Variants in SGCD observed in about 807,000 individuals in gnomAD.
SGCD encodes the protein delta-sarcoglycan.
SGCD carries 18 observed loss-of-function variants against 36.6 expected under a neutral mutation model. The ratio of observed to expected loss-of-function variants is 0.49; its 90% confidence interval spans 0.34 to 0.73. SGCD has a LOEUF of 0.73. Ranked by LOEUF, SGCD falls within the 30% of genes least tolerant of loss-of-function variation. SGCD has a pLI of 0.01. For synonymous variants in SGCD, 133 were observed against 130.6 expected, an observed-to-expected ratio of 1.02 and a Z score of -0.12; for missense variants, 387 against 346.7, an observed-to-expected ratio of 1.12 and a Z score of -0.92.
chr5:156,138,024 C>T (rs752065683), intron 3 of SGCD, among the ~76,000 whole-genome samples: 10 of 152,308 alleles, frequency 6.6e-5, no homozygotes, highest in South Asian at 2.1e-4. Context: ...CAAGGTACAG[C>T]ATATTTCTCT....
At chr5:155,953,910 T>C (rs550816946) in intron 1 of SGCD, among the ~76,000 whole-genome samples, 2 of 152,308 alleles carry the variant, frequency 1.3e-5, no homozygotes, top group South Asian at 4.1e-4. Context: ...TTTTACCTAA[T>C]ACCTACTGAG....
chr5:156,421,547 C>G (rs1773310131), intron 3 of SGCD, among the ~76,000 whole-genome samples: 1 of 152,054 alleles, frequency 6.6e-6, no homozygotes, highest in Non-Finnish European at 1.5e-5. Flanking sequence ...TAATATCATC[C>G]TCATACTTGG....
At chr5:155,961,466 A>G (rs1283196438) in intron 1 of SGCD, among the ~76,000 whole-genome samples, 8 of 152,164 alleles carry the variant, frequency 5.3e-5, no homozygotes, top group Non-Finnish European at 4.4e-5. Context: ...CATTGTAAAT[A>G]TCCAGGTAAC....
chr5:155,837,433 C>G, the SGCD span, among the ~76,000 whole-genome samples: 1 of 152,202 alleles, frequency 6.6e-6, no homozygotes, highest in Non-Finnish European at 1.5e-5. Flanking sequence ...GCTGGGATTA[C>G]TGGCATGAGT....
chr5:155,942,832 A>T (rs948030782), intron 1 of SGCD, among the ~76,000 whole-genome samples: 2 of 152,178 alleles, frequency 1.3e-5, no homozygotes, highest in African/African-American at 4.8e-5. Context: ...CCCCAAGATA[A>T]TCCAAATGTT....
the SGCD span, among the ~76,000 whole-genome samples, chr5:155,842,617 A>G: frequency 3.3e-5 from 5 of 152,110 alleles, no homozygotes; most frequent in South Asian, 2.1e-4. Flanking sequence ...TTTGAGCTCA[A>G]AAGTTCAAAA....
At chr5:155,989,381 A>G (rs1208544332) in intron 1 of SGCD, among the ~76,000 whole-genome samples, 2 of 152,326 alleles carry the variant, frequency 1.3e-5, no homozygotes, top group African/African-American at 4.8e-5. Context: ...ACCACTTAAA[A>G]TGTGAAAACC....
intron 7 of SGCD, among the ~76,000 whole-genome samples, chr5:156,719,263 T>C (rs1040660219): frequency 2.0e-5 from 3 of 152,068 alleles, no homozygotes; most frequent in Non-Finnish European, 2.9e-5. Flanking sequence ...TCCAGGGAAG[T>C]CAGTCTTGTT....
intron 1 of SGCD, among the ~76,000 whole-genome samples, chr5:156,033,930 T>A (rs1001431809): frequency 5.3e-5 from 8 of 152,132 alleles, no homozygotes; most frequent in Non-Finnish European, 8.8e-5. Context: ...ATCAAACTGT[T>A]CAATGCAAGA....
intron 1 of SGCD, among the ~76,000 whole-genome samples, chr5:156,083,325 G>A (rs1227043724): frequency 3.5e-5 from 5 of 143,680 alleles, no homozygotes; most frequent in African/African-American, 1.0e-4. Flanking sequence ...TTGGAGTTTC[G>A]CTCTTGTTGT....
chr5:156,215,210 C>T (rs548913153), intron 3 of SGCD, among the ~76,000 whole-genome samples: 1 of 152,002 alleles, frequency 6.6e-6, no homozygotes, highest in South Asian at 2.1e-4. Context: ...TCAAGCATTT[C>T]AGATAAGGGA....
the SGCD span, among the ~76,000 whole-genome samples, chr5:155,731,532 T>C: frequency 6.6e-6 from 1 of 152,172 alleles, no homozygotes; most frequent in African/African-American, 2.4e-5. Flanking sequence ...TATGCAGAAA[T>C]TGGACACCCA....
chr5:155,900,090 G>A (rs1730169166), intron 1 of SGCD, among the ~76,000 whole-genome samples: 1 of 152,080 alleles, frequency 6.6e-6, no homozygotes, highest in South Asian at 2.1e-4. Flanking sequence ...AAGCAAATTT[G>A]TGTGATTTTT....
chr5:155,880,826 T>A (rs1755865846), intron 1 of SGCD, among the ~76,000 whole-genome samples: 1 of 152,108 alleles, frequency 6.6e-6, no homozygotes, highest in Non-Finnish European at 1.5e-5. Context: ...ATTTCCCTTG[T>A]GGGTAAGGAC....
the SGCD span, among the ~76,000 whole-genome samples, chr5:155,837,241 T>C: frequency 2.0e-5 from 3 of 152,160 alleles, no homozygotes; most frequent in African/African-American, 7.2e-5. Context: ...CACTGTAACT[T>C]CCGCCTCCAG....
chr5:156,353,097 A>C (rs1029329698), intron 3 of SGCD, among the ~76,000 whole-genome samples: 2 of 152,220 alleles, frequency 1.3e-5, no homozygotes, highest in Non-Finnish European at 2.9e-5. Flanking sequence ...CATGTTCCAT[A>C]ACTCAGGACC....
At chr5:156,537,577 G>A (rs939888176) in intron 4 of SGCD, among the ~76,000 whole-genome samples, 2 of 150,996 alleles carry the variant, frequency 1.3e-5, no homozygotes, top group African/African-American at 4.9e-5. Flanking sequence ...AACTAGCGAG[G>A]GTGTTCTTTG....
At chr5:156,181,595 C>T (rs771643809) in intron 3 of SGCD, among the ~76,000 whole-genome samples, 2 of 152,164 alleles carry the variant, frequency 1.3e-5, no homozygotes, top group Non-Finnish European at 2.9e-5. Context: ...GTACAGTAAA[C>T]AAGGCTAGAA....
At chr5:156,520,060 G>A (rs1389807559) in intron 4 of SGCD, among the ~76,000 whole-genome samples, 1 of 152,272 alleles carries the variant, frequency 6.6e-6, no homozygotes, top group East Asian at 1.9e-4. Flanking sequence ...CAAATAGGAA[G>A]AGAGGAAGTC....
Sources: gnomAD v4.1 joint callset for allele counts (sites outside exome capture counted in the v4.1 genomes callset) on GRCh38, gnomAD v4.1.1 for gene constraint, MANE v1.5 for transcripts, NCBI Gene and HGNC (gene_info 2026-07-23, HGNC 2026-07-21) for gene names.